DHX15: variants seen among roughly 807,000 people sequenced by gnomAD.
DHX15 encodes DEAH-box helicase 15.
DHX15 carries 11 observed loss-of-function variants against 94.4 expected under a neutral mutation model. The ratio of observed to expected loss-of-function variants is 0.12; its 90% CI spans 0.07 to 0.19. The LOEUF (loss-of-function observed/expected upper bound fraction) is 0.19, where lower values mean the gene tolerates loss of function less well. Ranked by LOEUF, DHX15 falls within the 10% of genes least tolerant of loss-of-function variation. The probability of loss-of-function intolerance (pLI) is 1.00; values close to 1 mark genes in which losing one functional copy is unlikely to be tolerated. For missense variants in DHX15, 304 were observed against 988.5 expected, an observed-to-expected ratio of 0.31 and a Z score of 9.29; for synonymous variants, 338 against 329.9, an observed-to-expected ratio of 1.02 and a Z score of -0.27.
At chr4:24,557,805 A>C (rs972374083) in intron 3 of DHX15, among the ~76,000 whole-genome samples, 1 of 152,146 alleles carries the variant, frequency 6.6e-6, no homozygotes, top group African/African-American at 2.4e-5. Context: ...AGCTGCTTTG[A>C]AATTTCTTTG....
chr4:24,533,274 T>C, intron 11 of DHX15: 1 of 567,690 alleles, frequency 1.8e-6, no homozygotes, highest in Non-Finnish European at 3.1e-6. Context: ...TGGATTTGGA[T>C]GCCAAAACAA....
At chr4:24,550,566 C>T (rs1307364411) in intron 5 of DHX15, among the ~76,000 whole-genome samples, 2 of 151,962 alleles carry the variant, frequency 1.3e-5, no homozygotes, top group Non-Finnish European at 2.9e-5. Flanking sequence ...TAACCTAGGC[C>T]CCCACAGGGT....
chr4:24,572,259 C>T (rs1042276380), intron 2 of DHX15, among the ~76,000 whole-genome samples: 5 of 152,120 alleles, frequency 3.3e-5, no homozygotes, highest in Non-Finnish European at 7.4e-5. Flanking sequence ...TTCAGCCTCC[C>T]AAGTAGCTGG....
rs1209367338 is a variant in DHX15, at chr4:24,554,760, C to T, written c.1045G>A (p.Glu349Lys). ...VIQIHMCEEE[E>K]GDLLLFLTGQ... ...GTTAAGAAAAGAAGAAGATCTCCCT[C>T]TTCCTCTTCACACATATGAATCTGG... Residue 349 changes from glutamate (E) to lysine (K), a missense_variant, in exon 5 of 14, where the codon GAG becomes AAG. Around this residue, in one of 9 missense-constraint regions of DHX15, gnomAD observed 40 missense variants for 107.1 expected, o/e 0.37. Transcript: ENST00000336812. 1 of 1,613,664 alleles carries T rather than the reference C, an allele frequency of 6.2e-7. No individual in the cohort carries two copies. The highest frequency in any genetic ancestry group is 1.7e-5 in the Admixed American group (1 of 60,034).
At chr4:24,550,275 C>T (rs936874947) in intron 5 of DHX15, among the ~76,000 whole-genome samples, 8 of 151,556 alleles carry the variant, frequency 5.3e-5, no homozygotes, top group Non-Finnish European at 1.0e-4. Flanking sequence ...TACATTTTGG[C>T]GATACAAAAT....
At chr4:24,577,019 T>C (rs1415527778) in intron 1 of DHX15, among the ~76,000 whole-genome samples, 1 of 152,132 alleles carries the variant, frequency 6.6e-6, no homozygotes, top group South Asian at 2.1e-4. Flanking sequence ...CCAAATTGAG[T>C]AAAAGAAGAT....
chr4:24,539,168 C>G (rs1034971809), intron 10 of DHX15: 2 of 149,688 alleles, frequency 1.3e-5, no homozygotes, highest in Admixed American at 1.3e-4. Flanking sequence ...ATATACCATA[C>G]GTCTAAACTA....
chr4:24,561,775 A>G (rs1376520454), intron 3 of DHX15, among the ~76,000 whole-genome samples: 1 of 152,176 alleles, frequency 6.6e-6, no homozygotes, highest in Non-Finnish European at 1.5e-5. Flanking sequence ...ACAACAAACC[A>G]GAGGATGGAG....
rs1379291655 is a variant in DHX15 at position 24,570,962 on chromosome 4, T to C, written c.508-115A>G. 2.9e-6 allele frequency: 3 copies of C among 1,046,674 alleles called. No individual in the cohort carries two copies. In the African/African-American group the frequency reaches 4.8e-5, roughly 17 times the overall value. 64.8% of individuals were successfully genotyped at this position (1,046,674 alleles called of 1,614,324 possible). ...TTAAAACCAAATCCAATTAGGCAAA[T>C]GACTATAAGACTTGTGATTCAAAAC... is the stretch of plus-strand genomic sequence containing the variant. On this transcript the variant is annotated intron_variant, in intron 2 of 13. Coordinates refer to ENST00000336812, the MANE Select transcript of DHX15 (RefSeq NM_001358.3).
chr4:24,545,209 G>A (rs941727660), intron 6 of DHX15, among the ~76,000 whole-genome samples: 1 of 152,102 alleles, frequency 6.6e-6, no homozygotes, highest in Non-Finnish European at 1.5e-5. Flanking sequence ...AAATATTTAT[G>A]AAGAAAATCA....
chr4:24,557,148 C>T (rs1479902283), intron 3 of DHX15, among the ~76,000 whole-genome samples: 2 of 152,022 alleles, frequency 1.3e-5, no homozygotes, highest in African/African-American at 2.4e-5. Context: ...ACAGGCGCCA[C>T]GTAAGAATGA....
chr4:24,568,822 A>G (rs1722053480), intron 3 of DHX15, among the ~76,000 whole-genome samples: 1 of 152,214 alleles, frequency 6.6e-6, no homozygotes, highest in African/African-American at 2.4e-5. Flanking sequence ...ATAATGAGCT[A>G]TGATTTTGCT....
chr4:24,542,955 T>G lies in DHX15; in HGVS notation c.1320A>C (p.Gly440=). ...AAATATGTACCTTCTGTTTCGCAAA[T>G]CCAGGATCAATCACAAACACCACAC... ...IDGVVFVIDP[G]FAKQKVYNPR... Residue 440 remains glycine, a synonymous_variant, in exon 7 of 14, where the codon GGA becomes GGC. Transcript: ENST00000336812. 2 of 1,612,686 alleles carry G rather than the reference T, an allele frequency of 1.2e-6. No individual in the cohort carries two copies. Among genetic ancestry groups the G allele is most frequent in the Non-Finnish European group, 1.7e-6 (2 of 1,179,108 alleles).
intron 1 of DHX15, among the ~76,000 whole-genome samples, chr4:24,577,005 AG>A (rs1401350783): frequency 1.3e-5 from 2 of 152,336 alleles, no homozygotes; most frequent in South Asian, 2.1e-4. Flanking sequence ...AAGAAAGGAT[AG>A]GTCCAAATTG....
At chr4:24,580,497 T>G (rs996886782) in intron 1 of DHX15, among the ~76,000 whole-genome samples, 5 of 150,434 alleles carry the variant, frequency 3.3e-5, no homozygotes, top group African/African-American at 4.9e-5. Flanking sequence ...CATGATATTT[T>G]AAATAAGCAT....
intron 11 of DHX15, 64 bp from the exon 12 acceptor site, chr4:24,533,118 T>G: frequency 1.3e-5 from 17 of 1,358,424 alleles, no homozygotes; most frequent in Non-Finnish European, 1.7e-5. Context: ...GAATGTTCTC[T>G]AATTAAAAAA....
In DHX15 at chr4:24,531,090, A is replaced by ATT. The variant is rs368953985; in HGVS notation, c.2101-1322_2101-1321dup. On this transcript the variant is annotated intron_variant, in intron 12 of 13. Transcript: ENST00000336812. ...ATAATGCTTGAATATAGTTTCATCA[A>ATT]TTTTTTTTTTTTTTTTGAGACGGAG... 2.2e-3 allele frequency among the ~76,000 whole-genome samples: 310 copies of ATT among 142,978 alleles called. 3 individuals carry two copies. The highest frequency in any genetic ancestry group is 7.4e-3 in the African/African-American group (289 of 39,020). The allele number at this position is 142,978 out of a possible 152,430, so 93.8% of individuals were successfully genotyped here.
chr4:24,565,853 T>A (rs1216453682), intron 3 of DHX15, among the ~76,000 whole-genome samples: 1 of 152,062 alleles, frequency 6.6e-6, no homozygotes, highest in Non-Finnish European at 1.5e-5. Flanking sequence ...CTATACCTGA[T>A]CTCAGAACAA....
In DHX15 at chr4:24,529,206, C is replaced by T. The variant is rs533720116; in HGVS notation, c.2270+395G>A. Among the ~76,000 whole-genome samples the T allele has an allele frequency of 2.6e-5, 4 of 152,044 alleles. No homozygotes were observed. The South Asian group carries it at 8.3e-4, about 32-fold the overall frequency. Reference sequence around the variant, plus strand: ...ATGCCCAGCTAATTTTTGTACACACCTATATATCTTTTAGTAGAGATGGAT... The same window carrying T: ...ATGCCCAGCTAATTTTTGTACACACTTATATATCTTTTAGTAGAGATGGAT... On this transcript the variant is annotated intron_variant, in intron 13 of 13. Transcript: ENST00000336812.
Sources: gnomAD v4.1 joint callset for allele counts (sites outside exome capture counted in the v4.1 genomes callset) on GRCh38, gnomAD v4.1.1 for gene constraint, gnomAD v4.1.1 regional missense constraint, MANE v1.5 for transcripts, NCBI Gene and HGNC (gene_info 2026-07-23, HGNC 2026-07-21) for gene names.